The following HERC2 variants were observed in gnomAD, a reference collection of about 807,000 sequenced individuals.
The protein encoded by HERC2 is E3 ubiquitin-protein ligase HERC2.
Under a neutral mutation model 537.7 loss-of-function variants are expected in HERC2, and 102 were observed. The ratio of observed to expected loss-of-function variants is 0.19; its 90% CI spans 0.16 to 0.22. The LOEUF (loss-of-function observed/expected upper bound fraction) is 0.22, where lower values mean the gene tolerates loss of function less well. Ranked by LOEUF, HERC2 falls within the 10% of genes least tolerant of loss-of-function variation. The pLI is 1.00. For missense variants in HERC2, 4,236 were observed against 6,198.2 expected (o/e 0.68, Z 10.63); for synonymous variants, 2,224 against 2,466.2 (o/e 0.90, Z 2.91).
intron 40 of HERC2, 32 bp downstream of exon 40, chr15:28,214,620 TCAC>T (rs1899678288): frequency 1.2e-6 from 2 of 1,609,596 alleles, no homozygotes; most frequent in Non-Finnish European, 1.7e-6. Context: ...GCGCCGCTCT[TCAC>T]CAGGGCACAG....
chr15:28,300,988 C>CT (rs2076608128), intron 2 of HERC2, among the ~76,000 whole-genome samples: 1 of 151,728 alleles, frequency 6.6e-6, no homozygotes, highest in Admixed American at 6.6e-5. Context: ...CAAAGGCAAT[C>CT]TGACAGCGGC....
At chr15:28,116,892 T>C (rs2142057089) in intron 87 of HERC2, 33 bp from the exon 88 acceptor site, 1 of 1,608,150 alleles carries the variant, frequency 6.2e-7, no homozygotes, top group East Asian at 2.2e-5. Flanking sequence ...CGAAGTCCCC[T>C]CACACAGTCC....
intron 83 of HERC2, among the ~76,000 whole-genome samples, chr15:28,125,741 C>A (rs1178886009): frequency 6.6e-6 from 1 of 152,024 alleles, no homozygotes; most frequent in Non-Finnish European, 1.5e-5. Flanking sequence ...CTGGCATGAT[C>A]ACGGTTCACT....
chr15:28,189,544 T>A lies in HERC2; in HGVS notation c.8649+1421A>T, dbSNP rs61659212. The stretch of plus-strand genomic sequence containing the variant: ...ATAGTTTGCCAATTTCTTCACTTAT[T>A]AGCACCACTGGTATTGGCTATAATG... On this transcript the variant is annotated intron_variant, in intron 55 of 92. Coordinates refer to ENST00000261609, the MANE Select transcript of HERC2 (RefSeq NM_004667.6). Among the ~76,000 whole-genome samples the A allele has an allele frequency of 3.9e-5, 6 of 152,354 alleles. No individual in the cohort carries two copies. The East Asian group carries it at 1.2e-3, about 29-fold the overall frequency.
chr15:28,319,826 C>A (rs1007547132), intron 2 of HERC2, among the ~76,000 whole-genome samples: 15 of 151,984 alleles, frequency 9.9e-5, no homozygotes, highest in Non-Finnish European at 1.8e-4. Flanking sequence ...TTAAGAAAAA[C>A]ACTTTATTAC....
At position 28,241,439 on chromosome 15, in the gene HERC2, C is replaced by A. The variant is rs59230967; in HGVS notation, c.3578-2667G>T. On this transcript the variant is annotated intron_variant, in intron 23 of 92. Transcript: ENST00000261609. ...AGGAACATAAAATGGTGCAGCCACT[C>A]CGAAAAACACTATGGCAACCCCTCA... is the stretch of plus-strand genomic sequence containing the variant. 3.3e-3 allele frequency among the ~76,000 whole-genome samples: 496 copies of A among 152,124 alleles called. 6 individuals are homozygous for A. The highest frequency in any genetic ancestry group is 0.011 in the African/African-American group (477 of 41,496).
At chr15:28,310,553 G>C (rs1344325222) in intron 2 of HERC2, among the ~76,000 whole-genome samples, 11 of 152,260 alleles carry the variant, frequency 7.2e-5, no homozygotes, top group African/African-American at 2.2e-4. Flanking sequence ...GAATGGAAAG[G>C]TTTGACTCTT....
At chr15:28,155,875 C>A (rs948018841) in intron 69 of HERC2, among the ~76,000 whole-genome samples, 1 of 152,110 alleles carries the variant, frequency 6.6e-6, no homozygotes, top group African/African-American at 2.4e-5. Flanking sequence ...AGGTCTTCTT[C>A]TAGGGTTTTT....
chr15:28,179,084 T>C (rs1426458372), intron 58 of HERC2, 54 bp from the exon 59 acceptor site: 1 of 1,601,922 alleles, frequency 6.2e-7, no homozygotes, highest in African/African-American at 1.4e-5. Context: ...TTAAAAACTT[T>C]TTTGTTTTTT....
At chr15:28,163,637 T>C (rs1893838301) in intron 68 of HERC2, among the ~76,000 whole-genome samples, 1 of 152,214 alleles carries the variant, frequency 6.6e-6, no homozygotes, top group African/African-American at 2.4e-5. Context: ...AATCTACCCA[T>C]AAGATACGCT....
At chr15:28,273,310 T>G (rs2075790090) in intron 7 of HERC2, 3 of 437,458 alleles carry the variant, frequency 6.9e-6, no homozygotes, top group Non-Finnish European at 1.2e-5. Flanking sequence ...GAAGAATATC[T>G]AGCTATCTTT....
At chr15:28,197,162 C>T (rs1221003965) in intron 50 of HERC2, among the ~76,000 whole-genome samples, 1 of 152,122 alleles carries the variant, frequency 6.6e-6, no homozygotes, top group Admixed American at 6.5e-5. Flanking sequence ...AACCTCTCAC[C>T]ACTGGGGAAC....
intron 66 of HERC2, 61 bp downstream of exon 66, chr15:28,169,423 A>T (rs1478828847): frequency 7.7e-7 from 1 of 1,295,126 alleles, no homozygotes; most frequent in Non-Finnish European, 1.1e-6. Context: ...AAAGAAAAAA[A>T]ATCACAAAAA....
At chr15:28,195,517 G>T (rs778763891) in intron 52 of HERC2, among the ~76,000 whole-genome samples, 1 of 152,188 alleles carries the variant, frequency 6.6e-6, no homozygotes, top group East Asian at 1.9e-4. Context: ...CATTAAAAAG[G>T]ATGACGTTCT....
Position 28,257,204 on chromosome 15 carries a change from C to A in HERC2, c.2374G>T (p.Val792Leu), listed in dbSNP as rs1225196035. ...TCAAAAGTCATTGAGCAGATGTCCA[C>A]CACAAAAGGGACACGGAGGCCAATG... ...WSIGLRVPFV[V>L]DICSMTFEQL... The change falls in exon 17 of 93, where the codon GTG becomes TTG. Residue 792 changes from valine (V) to leucine (L), a missense_variant. Val to Leu is a conservative substitution (Grantham distance 32). Coordinates refer to ENST00000261609, the MANE Select transcript of HERC2 (RefSeq NM_004667.6). The A allele has an allele frequency of 1.2e-6, 2 of 1,613,922 alleles. No individual in the cohort carries two copies. The highest frequency in any genetic ancestry group is 1.7e-6 in the Non-Finnish European group (2 of 1,179,848).
intron 12 of HERC2, among the ~76,000 whole-genome samples, chr15:28,266,788 G>T (rs910477441): frequency 6.6e-6 from 1 of 152,146 alleles, no homozygotes; most frequent in African/African-American, 2.4e-5. Flanking sequence ...CAACTCAAAG[G>T]GTACAAAGAG....
intron 55 of HERC2, among the ~76,000 whole-genome samples, chr15:28,189,823 TAAAATA>T (rs1452611978): frequency 4.0e-5 from 6 of 151,378 alleles, no homozygotes; most frequent in Admixed American, 3.3e-4. Context: ...TGGTTAAAAC[TAAAATA>T]AAACTTTTTT....
chr15:28,283,410 T>C (rs1227475756), intron 4 of HERC2, among the ~76,000 whole-genome samples: 9 of 152,228 alleles, frequency 5.9e-5, no homozygotes, highest in African/African-American at 1.7e-4. Flanking sequence ...AAATATTTTT[T>C]AAACAATGAA....
Position 28,238,732 on chromosome 15 carries a change from T to C in HERC2, c.3618A>G (p.Glu1206=). The part of the protein sequence containing the change: ...FTGQNCRNNE[E]VTLIRKADLE... Reference sequence around the variant, plus strand: ...AATCAGCTTTGCGTATAAGTGTCACTTCCTCATTATTTCTACAGTTCTGAC... The same window carrying C: ...AATCAGCTTTGCGTATAAGTGTCACCTCCTCATTATTTCTACAGTTCTGAC... Residue 1206 remains glutamate, a synonymous_variant, in exon 24 of 93, where the codon GAA becomes GAG. Coordinates refer to ENST00000261609, the MANE Select transcript of HERC2 (RefSeq NM_004667.6). 1 of 1,611,488 alleles carries C rather than the reference T, an allele frequency of 6.2e-7. No homozygotes were observed. Among genetic ancestry groups the C allele is most frequent in the Non-Finnish European group, 8.5e-7 (1 of 1,179,396 alleles).
Sources: allele counts gnomAD v4.1 joint callset (sites outside exome capture counted in the v4.1 genomes callset), GRCh38; gene constraint gnomAD v4.1.1; transcripts MANE v1.5; gene names NCBI Gene and HGNC (gene_info 2026-07-23, HGNC 2026-07-21).